The following IL1RAPL1 variants were observed in gnomAD, a reference collection of about 807,000 sequenced individuals.
IL1RAPL1 encodes interleukin 1 receptor accessory protein like 1.
IL1RAPL1 carries 3 observed loss-of-function variants against 48.4 expected under a neutral mutation model. That is an observed-to-expected ratio of 0.06 (90% CI 0.03 to 0.16). IL1RAPL1 has a LOEUF of 0.16. IL1RAPL1 is among the 10% of genes least tolerant of loss of function. The pLI, the probability that IL1RAPL1 is intolerant of heterozygous loss-of-function variation, is 1.00. For missense variants in IL1RAPL1, 349 were observed against 530.6 expected, an observed-to-expected ratio of 0.66 and a Z score of 3.36; for synonymous variants, 185 against 187.7, an observed-to-expected ratio of 0.99 and a Z score of 0.12.
intron 6 of IL1RAPL1, among the ~76,000 whole-genome samples, chrX:29,873,395 A>G (rs1931839011): frequency 1.0e-5 from 1 of 96,545 alleles, no homozygotes; most frequent in South Asian, 6.4e-4. Context: ...CCCCAATTAT[A>G]TGTTGAAAGC....
intron 5 of IL1RAPL1, among the ~76,000 whole-genome samples, chrX:29,652,112 A>T (rs1180480079): frequency 1.8e-5 from 2 of 112,106 alleles, no homozygotes; most frequent in African/African-American, 3.2e-5. Context: ...GCCTTTTAAA[A>T]TAGAATGCAT....
intron 2 of IL1RAPL1, among the ~76,000 whole-genome samples, chrX:29,157,132 G>A (rs1401950207): frequency 9.0e-6 from 1 of 111,219 alleles, no homozygotes; most frequent in African/African-American, 3.3e-5. Flanking sequence ...CATGTGGGTA[G>A]GTGAATGGGA....
In IL1RAPL1 at chrX:29,812,650, C is replaced by T. The variant is rs746999384; in HGVS notation, c.779-104814C>T. The stretch of plus-strand genomic sequence containing the variant: ...TGATTTTCTCTCTAAATTAATATAA[C>T]GACACACTTTTATGATGAATTTTCT... On this transcript the variant is annotated intron_variant, in intron 6 of 10. Coordinates refer to ENST00000378993, the MANE Select transcript of IL1RAPL1 (RefSeq NM_014271.4). Among the ~76,000 whole-genome samples the T allele has an allele frequency of 5.4e-5, 6 of 111,287 alleles. No homozygotes were observed. In the East Asian group the frequency reaches 1.4e-3, roughly 26 times the overall value.
intron 2 of IL1RAPL1, among the ~76,000 whole-genome samples, chrX:29,083,664 T>G (rs1363557199): frequency 1.8e-5 from 2 of 111,823 alleles, no homozygotes; most frequent in Non-Finnish European, 3.8e-5. Flanking sequence ...CAATGATCTA[T>G]GAGACAATAG....
chrX:29,382,749 G>A (rs923116231), intron 3 of IL1RAPL1, among the ~76,000 whole-genome samples: 1 of 111,335 alleles, frequency 9.0e-6, no homozygotes, highest in African/African-American at 3.3e-5. Context: ...TCCACTGGAT[G>A]CCTCTGTGTC....
intron 1 of IL1RAPL1, among the ~76,000 whole-genome samples, chrX:28,757,187 T>G (rs1021632747): frequency 1.8e-5 from 2 of 112,561 alleles, no homozygotes; most frequent in African/African-American, 6.4e-5. Flanking sequence ...TTTATTCTAC[T>G]TCTCTACTAG....
intron 6 of IL1RAPL1, among the ~76,000 whole-genome samples, chrX:29,693,724 A>G (rs760212951): frequency 8.9e-6 from 1 of 112,156 alleles, no homozygotes; most frequent in Non-Finnish European, 1.9e-5. Flanking sequence ...GTCAGTTTTA[A>G]TTAGCCCACG....
At chrX:29,090,393 G>T (rs1368197810) in intron 2 of IL1RAPL1, among the ~76,000 whole-genome samples, 1 of 111,784 alleles carries the variant, frequency 8.9e-6, no homozygotes, top group Non-Finnish European at 1.9e-5. Flanking sequence ...TCCATTAAAC[G>T]CTTTTTTCTA....
At chrX:29,451,453 C>T (rs1453073071) in intron 5 of IL1RAPL1, among the ~76,000 whole-genome samples, 1 of 111,110 alleles carries the variant, frequency 9.0e-6, no homozygotes, top group Non-Finnish European at 1.9e-5. Flanking sequence ...ACTTGGCCTC[C>T]CAAAGTGCTG....
intron 2 of IL1RAPL1, among the ~76,000 whole-genome samples, chrX:28,845,795 C>T (rs1199183155): frequency 9.0e-6 from 1 of 111,691 alleles, no homozygotes; most frequent in Non-Finnish European, 1.9e-5. Context: ...AGAGCAGTTT[C>T]AGGTTCCCAA....
rs764363127 is a variant in IL1RAPL1, at chrX:29,174,518, A to C, written c.83-108420A>C. Among the ~76,000 whole-genome samples the C allele has an allele frequency of 4.4e-5, 5 of 112,429 alleles. No homozygotes were observed. The East Asian group carries it at 1.4e-3, about 31-fold the overall frequency. On this transcript the variant is annotated intron_variant, in intron 2 of 10. Coordinates refer to ENST00000378993, the MANE Select transcript of IL1RAPL1 (RefSeq NM_014271.4). ...TGAAGACACAGCTAAGTAATAGTAC[A>C]TATCAAATGTAAACTTCATGGAGAG... is the stretch of plus-strand genomic sequence containing the variant.
intron 2 of IL1RAPL1, among the ~76,000 whole-genome samples, chrX:28,907,597 A>G (rs1331411108): frequency 8.9e-6 from 1 of 112,890 alleles, no homozygotes; most frequent in African/African-American, 3.2e-5. Context: ...CATACCTGGT[A>G]TAAATCCCAC....
chrX:28,716,085 C>T (rs1601870491), intron 1 of IL1RAPL1, among the ~76,000 whole-genome samples: 1 of 112,212 alleles, frequency 8.9e-6, no homozygotes, highest in East Asian at 2.8e-4. Flanking sequence ...AGAGAAAACA[C>T]ACATGATTAT....
chrX:29,504,264 C>T (rs1371442782), intron 5 of IL1RAPL1, among the ~76,000 whole-genome samples: 1 of 111,628 alleles, frequency 9.0e-6, no homozygotes, highest in Non-Finnish European at 1.9e-5. Context: ...ATGGTCTACC[C>T]TGGCTACTGT....
At chrX:29,905,264 A>AT (rs1386891410) in intron 6 of IL1RAPL1, among the ~76,000 whole-genome samples, 2 of 110,609 alleles carry the variant, frequency 1.8e-5, no homozygotes, top group Admixed American at 1.9e-4. Context: ...GATTCTGGAT[A>AT]TTAGACCTTT....
At chrX:29,328,354 T>G (rs1212413747) in intron 3 of IL1RAPL1, among the ~76,000 whole-genome samples, 2 of 111,090 alleles carry the variant, frequency 1.8e-5, no homozygotes, top group Admixed American at 9.6e-5. Flanking sequence ...ATGAAAAGGC[T>G]TATATAAGAA....
intron 2 of IL1RAPL1, among the ~76,000 whole-genome samples, chrX:29,195,454 G>A (rs1930423710): frequency 9.0e-6 from 1 of 111,311 alleles, no homozygotes; most frequent in Non-Finnish European, 1.9e-5. Flanking sequence ...GGAGGATTGT[G>A]GCAATGGAAC....
rs192680986 is a variant in IL1RAPL1, at chrX:28,809,927, A to G, written c.82+20502A>G. On this transcript the variant is annotated intron_variant, in intron 2 of 10. Coordinates refer to ENST00000378993, the MANE Select transcript of IL1RAPL1 (RefSeq NM_014271.4). The stretch of plus-strand genomic sequence containing the variant: ...GTACAGTTTGGAAGTAAAACCAAAC[A>G]GGACTTGATGGCATACTGGATATAG... 4.9e-3 allele frequency among the ~76,000 whole-genome samples: 528 copies of G among 107,955 alleles called. 2 individuals are homozygous for G. The highest frequency in any genetic ancestry group is 9.3e-3 in the Middle Eastern group (2 of 214). The allele number at this position is 107,955 out of a possible 115,157, so 93.7% of individuals were successfully genotyped here.
intron 2 of IL1RAPL1, among the ~76,000 whole-genome samples, chrX:29,112,481 T>G (rs1251300878): frequency 9.1e-6 from 1 of 110,014 alleles, no homozygotes; most frequent in Non-Finnish European, 1.9e-5. Context: ...TTTTTTTTTT[T>G]TTTCAATAGG....
Sources: gnomAD v4.1 joint callset for allele counts (sites outside exome capture counted in the v4.1 genomes callset) on GRCh38, gnomAD v4.1.1 for gene constraint, MANE v1.5 for transcripts, NCBI Gene and HGNC (gene_info 2026-07-23, HGNC 2026-07-21) for gene names.